PACS1: variants seen among roughly 807,000 people sequenced by gnomAD.
The protein encoded by PACS1 is PACS-1.
PACS1 carries 24 observed loss-of-function variants against 115.0 expected under a neutral mutation model. That is an observed-to-expected ratio of 0.21 (90% CI 0.15 to 0.29). The LOEUF (loss-of-function observed/expected upper bound fraction) is 0.29. Among genes scored for constraint, PACS1 ranks in the 10% least tolerant of loss-of-function variants. PACS1 has a pLI of 1.00. For synonymous variants in PACS1, 453 were observed against 504.5 expected (o/e 0.90, Z 1.37); for missense variants, 838 against 1,251.2 (o/e 0.67, Z 4.98).
At position 66,200,481 on chromosome 11, in the gene PACS1, A is replaced by AC. The variant is rs943903423; in HGVS notation, c.444+6908_444+6909insC. Among the ~76,000 whole-genome samples, 16 of 152,238 alleles carry AC rather than the reference A, an allele frequency of 1.1e-4. No individual in the cohort carries two copies. The East Asian group carries it at 1.2e-3, about 11-fold the overall frequency. ...ACTCTATGCAAATGGAAACAAACAA[A>AC]AAAAAAAAGAGTAGGAATAGCTATA... On this transcript the variant is annotated intron_variant, in intron 2 of 23. Transcript: ENST00000320580.
chr11:66,107,858 G>A (rs1858086955), intron 1 of PACS1, among the ~76,000 whole-genome samples: 1 of 152,206 alleles, frequency 6.6e-6, no homozygotes, highest in South Asian at 2.1e-4. Flanking sequence ...CACTCTTGGA[G>A]CTGCCATATC....
At position 66,233,217 on chromosome 11, in the gene PACS1, G is replaced by A. The variant is rs2134739802; in HGVS notation, c.1838+151G>A. 3.3e-6 allele frequency: 2 copies of A among 608,862 alleles called. No homozygotes were observed. Among genetic ancestry groups the A allele is most frequent in the Non-Finnish European group, 5.8e-6 (2 of 345,958 alleles). 37.7% of individuals were successfully genotyped at this position (608,862 alleles called of 1,614,324 possible). Reference sequence around the variant, plus strand: ...ATGTTTAGGGGGGTGGCGGCAGCAGGCTGTAGGGCTTGAGGCCCCGGCAGA... The same window carrying A: ...ATGTTTAGGGGGGTGGCGGCAGCAGACTGTAGGGCTTGAGGCCCCGGCAGA... On this transcript the variant is annotated intron_variant, in intron 15 of 23. Transcript: ENST00000320580. This position sits in a 1 kb window ranked among gnomAD's most constrained non-coding sequence, Gnocchi z 4.5.
At position 66,070,471 on chromosome 11, in the gene PACS1, C is replaced by G; in HGVS notation, c.-16C>G. 4 of 1,256,886 alleles carry G rather than the reference C, an allele frequency of 3.2e-6. No homozygotes were observed. The highest frequency in any genetic ancestry group is 5.9e-5 in the South Asian group (2 of 33,984). The allele number at this position is 1,256,886 out of a possible 1,614,324, so 77.9% of individuals were successfully genotyped here. A position where few individuals can be genotyped will look rare whatever the true frequency, so the allele number is the denominator to read the frequency against. On this transcript the variant is annotated 5_prime_UTR_variant, in exon 1 of 24. Transcript: ENST00000320580. The surrounding 1 kb of genome is among the most constrained non-coding windows in gnomAD (Gnocchi z 5.9). ...CGGCGTCGCCTCGGCCTCCGTAACC[C>G]CCGCCTAGCCGGGCCATGGCGGAAC...
At chr11:66,198,898 TAATA>T (rs1854708717) in intron 2 of PACS1, among the ~76,000 whole-genome samples, 1 of 152,240 alleles carries the variant, frequency 6.6e-6, no homozygotes, top group Non-Finnish European at 1.5e-5. Flanking sequence ...TTAAATGGAT[TAATA>T]AATATTTTAA....
chr11:66,142,507 C>T (rs1190001766), intron 1 of PACS1, among the ~76,000 whole-genome samples: 1 of 151,364 alleles, frequency 6.6e-6, no homozygotes, highest in Non-Finnish European at 1.5e-5. Flanking sequence ...GGGGTTTCGC[C>T]ATGGTGCCCA....
intron 1 of PACS1, among the ~76,000 whole-genome samples, chr11:66,148,911 G>A (rs1409472742): frequency 6.6e-6 from 1 of 152,100 alleles, no homozygotes; most frequent in Non-Finnish European, 1.5e-5. Context: ...AGGTGACAGA[G>A]TGAGGCTCCA....
rs1855232846 is a variant in PACS1, at chr11:66,217,161, C to G, written c.978+386C>G. Reference sequence around the variant, plus strand: ...CTCTAGGAGTAGCACTAGTTTTAATCATGTGCTGAACTTAGGCAGAGATAA... The same window carrying G: ...CTCTAGGAGTAGCACTAGTTTTAATGATGTGCTGAACTTAGGCAGAGATAA... On this transcript the variant is annotated intron_variant, in intron 7 of 23. Transcript: ENST00000320580. 1.3e-5 allele frequency: 4 copies of G among 297,546 alleles called. No individual in the cohort carries two copies. The South Asian group carries it at 1.4e-4, about 10-fold the overall frequency. 18.4% of individuals were successfully genotyped at this position (297,546 alleles called of 1,614,324 possible). A position where few individuals can be genotyped will look rare whatever the true frequency, so the allele number is the denominator to read the frequency against.
At chr11:66,189,520 G>A (rs909174282) in intron 1 of PACS1, among the ~76,000 whole-genome samples, 21 of 152,234 alleles carry the variant, frequency 1.4e-4, no homozygotes, top group Admixed American at 6.5e-4. Flanking sequence ...TAGAGCAGCA[G>A]CACAGAACGT....
chr11:66,152,355 A>G (rs1221194526), intron 1 of PACS1, among the ~76,000 whole-genome samples: 1 of 152,260 alleles, frequency 6.6e-6, no homozygotes, highest in Non-Finnish European at 1.5e-5. Context: ...AAGATTGAAG[A>G]AAAGTGAGTA....
At chr11:66,084,758 G>C (rs528633247) in intron 1 of PACS1, among the ~76,000 whole-genome samples, 1 of 152,100 alleles carries the variant, frequency 6.6e-6, no homozygotes, top group African/African-American at 2.4e-5. Context: ...AATTATTGTC[G>C]TCTCTTTATC....
rs778277597 is a variant in PACS1, at chr11:66,230,596, G to C, written c.1423G>C (p.Val475Leu). The C allele has an allele frequency of 5.6e-6, 9 of 1,614,052 alleles. No homozygotes were observed. The highest frequency in any genetic ancestry group is 7.6e-6 in the Non-Finnish European group (9 of 1,180,018). Residue 475 changes from valine (V) to leucine (L), a missense_variant, in exon 12 of 24, where the codon GTG (valine) becomes CTG (leucine). Physicochemically the swap from Val to Leu is conservative, Grantham distance 32 (BLOSUM62 1). Around this residue, in one of 6 missense-constraint regions of PACS1, gnomAD observed 383 missense variants for 537.0 expected, o/e 0.71. Transcript: ENST00000320580. ...MFGDASTSLV[V>L]PEKVKTPMKS... is the part of the protein sequence containing the mutation. ...TGGAGATGCCAGCACGAGTCTGGTT[G>C]TGCCGGAGAAAGTCAAAACTCCCAT...
In PACS1 at chr11:66,230,938, C is replaced by A; in HGVS notation, c.1624C>A (p.Gln542Lys). The change falls in exon 13 of 24, where the codon CAG becomes AAG. Residue 542 changes from glutamine (Q) to lysine (K), a missense_variant and splice_region_variant. By Grantham distance (53) the Gln-to-Lys change is moderately conservative. Transcript: ENST00000320580. Reference sequence around the variant, plus strand: ...CTCCCCAGATCTGGGCCACAGCACGCAGGTACTTCTGGGTGCCCCCAAAAC... The same window carrying A: ...CTCCCCAGATCTGGGCCACAGCACGAAGGTACTTCTGGGTGCCCCCAAAAC... The part of the protein sequence containing the change: ...ERSPDLGHST[Q>K]IPRKVVYDQL... 2 of 1,614,026 alleles carry A rather than the reference C, an allele frequency of 1.2e-6. No individual in the cohort carries two copies. The highest frequency in any genetic ancestry group is 1.7e-6 in the Non-Finnish European group (2 of 1,180,036).
At chr11:66,135,996 G>A (rs942097749) in intron 1 of PACS1, among the ~76,000 whole-genome samples, 2 of 152,216 alleles carry the variant, frequency 1.3e-5, no homozygotes, top group East Asian at 3.9e-4. Context: ...TTCTGCCCAC[G>A]TGCCTTCCAG....
intron 4 of PACS1, among the ~76,000 whole-genome samples, 184 bp downstream of exon 4, chr11:66,211,443 T>A (rs531783609): frequency 3.5e-4 from 54 of 152,324 alleles, no homozygotes; most frequent in Middle Eastern, 3.4e-3. Context: ...AAATACTGTC[T>A]CCTTCATGAA....
intron 1 of PACS1, among the ~76,000 whole-genome samples, chr11:66,189,961 C>G (rs1475891232): frequency 6.6e-6 from 1 of 152,286 alleles, no homozygotes; most frequent in Admixed American, 6.5e-5. Flanking sequence ...CTGCTATAAC[C>G]TGAAACCTGT....
At chr11:66,079,771 A>T (rs948353455) in intron 1 of PACS1, among the ~76,000 whole-genome samples, 1 of 152,228 alleles carries the variant, frequency 6.6e-6, no homozygotes, top group Non-Finnish European at 1.5e-5. Context: ...ACTTTCCGTC[A>T]TACTTAAAAA....
At chr11:66,187,350 C>T (rs1427791520) in intron 1 of PACS1, among the ~76,000 whole-genome samples, 2 of 152,128 alleles carry the variant, frequency 1.3e-5, no homozygotes, top group East Asian at 3.9e-4. Flanking sequence ...TCCTAGCTAT[C>T]TGTAATTAAT....
rs913481567 is a variant in PACS1, at chr11:66,236,195, C to T, written c.2250+255C>T. On this transcript the variant is annotated intron_variant, in intron 19 of 23. Transcript: ENST00000320580. This position sits in a 1 kb window ranked among gnomAD's most constrained non-coding sequence, Gnocchi z 4.2. Reference sequence around the variant, plus strand: ...GTCCCGCAGCAGAGAATGGCTTGGCCCCAAGTGTCAGTAGTGCAGAGGTGG... The same window carrying T: ...GTCCCGCAGCAGAGAATGGCTTGGCTCCAAGTGTCAGTAGTGCAGAGGTGG... 7.2e-5 allele frequency among the ~76,000 whole-genome samples: 11 copies of T among 152,138 alleles called. No homozygotes were observed. The highest frequency in any genetic ancestry group is 2.7e-4 in the African/African-American group (11 of 41,440).
chr11:66,188,864 T>G (rs1204961748), intron 1 of PACS1, among the ~76,000 whole-genome samples: 1 of 152,206 alleles, frequency 6.6e-6, no homozygotes, highest in Non-Finnish European at 1.5e-5. Context: ...CTCTGTTATA[T>G]TAAGGTATAT....
Sources: gnomAD v4.1 joint callset for allele counts (sites outside exome capture counted in the v4.1 genomes callset) on GRCh38, gnomAD v4.1.1 for gene constraint, gnomAD v4.1.1 regional missense constraint, Gnocchi (gnomAD v3.1) non-coding constraint, MANE v1.5 for transcripts, NCBI Gene and HGNC (gene_info 2026-07-23, HGNC 2026-07-21) for gene names.